Variants in CAP2 observed in about 807,000 individuals in gnomAD.
CAP2 encodes adenylyl cyclase-associated protein 2.
A neutral mutation model predicts 57.7 loss-of-function variants in CAP2; 24 were observed. That is an observed-to-expected ratio of 0.42 (90% confidence interval 0.30 to 0.58). The LOEUF is 0.58. CAP2 is among the 20% of genes least tolerant of loss of function. The pLI is 0.22. For missense variants in CAP2, 501 were observed against 590.3 expected, an observed-to-expected ratio of 0.85 and a Z score of 1.57; for synonymous variants, 194 against 207.2, an observed-to-expected ratio of 0.94 and a Z score of 0.55.
intron 3 of CAP2, among the ~76,000 whole-genome samples, chr6:17,434,823 CAA>C (rs1357817026): frequency 6.6e-6 from 1 of 151,618 alleles, no homozygotes; most frequent in Non-Finnish European, 1.5e-5. Context: ...TGAACTCAAA[CAA>C]ATTTACAAGA....
chr6:17,510,247 C>A (rs376133107), intron 6 of CAP2, among the ~76,000 whole-genome samples: 2 of 151,998 alleles, frequency 1.3e-5, no homozygotes, highest in Non-Finnish European at 2.9e-5. Context: ...GATTGCTCAA[C>A]TGAGTGATAA....
At chr6:17,546,704 A>G (rs1391467290) in intron 11 of CAP2, among the ~76,000 whole-genome samples, 2 of 152,338 alleles carry the variant, frequency 1.3e-5, no homozygotes, top group Non-Finnish European at 2.9e-5. Flanking sequence ...GCTGTTTATG[A>G]CAAACCCACA....
chr6:17,428,795 A>G (rs1050798413), intron 3 of CAP2, among the ~76,000 whole-genome samples: 2 of 152,150 alleles, frequency 1.3e-5, no homozygotes, highest in African/African-American at 4.8e-5. Flanking sequence ...AGTTAAAAAA[A>G]GTATAAAGGG....
In CAP2 at chr6:17,453,078, C is replaced by T. The variant is rs149152432; in HGVS notation, c.223-9918C>T. ...TGGGTTTAACTTTTAATAATTTATA[C>T]TCCGTTCAAATCCTCACCATGTTGT... On this transcript the variant is annotated intron_variant, in intron 3 of 12. Transcript: ENST00000229922. Among the ~76,000 whole-genome samples the T allele has an allele frequency of 6.6e-5, 10 of 152,338 alleles. No individual in the cohort carries two copies. In the East Asian group the frequency reaches 1.7e-3, roughly 26 times the overall value.
chr6:17,415,777 A>G (rs1484922257), intron 1 of CAP2, among the ~76,000 whole-genome samples: 1 of 152,190 alleles, frequency 6.6e-6, no homozygotes, highest in African/African-American at 2.4e-5. Flanking sequence ...ACAGATGCAA[A>G]ATAGGTAATC....
intron 3 of CAP2, among the ~76,000 whole-genome samples, chr6:17,440,900 T>C (rs1360601559): frequency 6.6e-6 from 1 of 150,936 alleles, no homozygotes; most frequent in Non-Finnish European, 1.5e-5. Flanking sequence ...AGTTCCCACC[T>C]ATGAGTGAGA....
chr6:17,446,138 A>G (rs1444449484), intron 3 of CAP2, among the ~76,000 whole-genome samples: 9 of 152,210 alleles, frequency 5.9e-5, no homozygotes. Context: ...AACCTTCCCT[A>G]TAGGTTACTG....
At chr6:17,510,920 T>C (rs1762129939) in intron 6 of CAP2, among the ~76,000 whole-genome samples, 1 of 152,318 alleles carries the variant, frequency 6.6e-6, no homozygotes, top group East Asian at 1.9e-4. Context: ...TGAGTATATG[T>C]TGGGGCTGTG....
intron 1 of CAP2, among the ~76,000 whole-genome samples, chr6:17,396,287 C>G (rs1351333106): frequency 6.6e-6 from 1 of 152,084 alleles, no homozygotes; most frequent in Admixed American, 6.5e-5. Flanking sequence ...CCTAGCAATT[C>G]CATTGTAAAT....
At chr6:17,460,035 T>C (rs1160639505) in intron 3 of CAP2, among the ~76,000 whole-genome samples, 2 of 152,114 alleles carry the variant, frequency 1.3e-5, no homozygotes, top group Non-Finnish European at 2.9e-5. Context: ...CGCAAACATA[T>C]CTTAGTGAAG....
chr6:17,441,676 C>T (rs563802785), intron 3 of CAP2, among the ~76,000 whole-genome samples: 1 of 152,194 alleles, frequency 6.6e-6, no homozygotes, highest in African/African-American at 2.4e-5. Context: ...GTAGAGACAG[C>T]GTTTCACCAT....
chr6:17,429,766 C>T (rs1759680030), intron 3 of CAP2, among the ~76,000 whole-genome samples: 2 of 152,192 alleles, frequency 1.3e-5, no homozygotes, highest in Non-Finnish European at 2.9e-5. Context: ...CACTTGTCAT[C>T]TGAAAGTTTA....
intron 1 of CAP2, among the ~76,000 whole-genome samples, chr6:17,397,694 CAAAAAA>C (rs554131865): frequency 1.6e-4 from 11 of 70,604 alleles, no homozygotes; most frequent in Admixed American, 3.6e-4. Flanking sequence ...GACTCCATAT[CAAAAAA>C]AAAAAAAAAA....
chr6:17,455,774 A>T (rs1760549393), intron 3 of CAP2, among the ~76,000 whole-genome samples: 1 of 152,086 alleles, frequency 6.6e-6, no homozygotes, highest in Non-Finnish European at 1.5e-5. Flanking sequence ...TGACCTTGTG[A>T]TCTGCCCTCC....
At chr6:17,518,835 G>T (rs1327575036) in intron 7 of CAP2, among the ~76,000 whole-genome samples, 1 of 151,894 alleles carries the variant, frequency 6.6e-6, no homozygotes, top group African/African-American at 2.4e-5. Flanking sequence ...ACAGAGTTTT[G>T]CCATGTTGCC....
chr6:17,528,161 A>G (rs965880487), intron 7 of CAP2, among the ~76,000 whole-genome samples: 16 of 152,208 alleles, frequency 1.1e-4, no homozygotes, highest in African/African-American at 3.6e-4. Flanking sequence ...CCAACCGTGG[A>G]CTAATGTAAG....
intron 6 of CAP2, among the ~76,000 whole-genome samples, chr6:17,512,260 C>T (rs1762174750): frequency 1.3e-5 from 2 of 151,888 alleles, no homozygotes; most frequent in East Asian, 1.9e-4. Flanking sequence ...GGCATGGTGG[C>T]GCACATGTAG....
intron 4 of CAP2, among the ~76,000 whole-genome samples, chr6:17,470,026 A>G (rs945538709): frequency 6.6e-6 from 1 of 152,246 alleles, no homozygotes; most frequent in Non-Finnish European, 1.5e-5. Context: ...AATAAAACAT[A>G]TTAATTTGTG....
chr6:17,484,751 T>A (rs1479342369), intron 4 of CAP2, among the ~76,000 whole-genome samples: 1 of 152,188 alleles, frequency 6.6e-6, no homozygotes, highest in Non-Finnish European at 1.5e-5. Flanking sequence ...TATGTAGAAT[T>A]GCCTATAGTA....
Sources: allele counts gnomAD v4.1 joint callset (sites outside exome capture counted in the v4.1 genomes callset), GRCh38; gene constraint gnomAD v4.1.1; transcripts MANE v1.5; gene names NCBI Gene and HGNC (gene_info 2026-07-23, HGNC 2026-07-21).